Variants in SGMS2 observed in about 807,000 individuals in gnomAD.
The protein encoded by SGMS2 is phosphatidylcholine:ceramide cholinephosphotransferase 2.
In SGMS2, 21 loss-of-function variants were observed where a neutral mutation model predicts 43.8. That is an observed-to-expected ratio of 0.48 (90% CI 0.34 to 0.69). The LOEUF (loss-of-function observed/expected upper bound fraction) is 0.69. Ranked by LOEUF, SGMS2 falls within the 30% of genes least tolerant of loss-of-function variation. The pLI, the probability that SGMS2 is intolerant of heterozygous loss-of-function variation, is 0.01. For synonymous variants in SGMS2, 167 were observed against 160.6 expected (o/e 1.04, Z -0.30); for missense variants, 384 against 443.2 (o/e 0.87, Z 1.20).
chr4:107,858,800 G>T (rs1727564549), intron 2 of SGMS2, among the ~76,000 whole-genome samples: 1 of 152,182 alleles, frequency 6.6e-6, no homozygotes. Context: ...CTCGGTCTTG[G>T]ATTGCCGTTT....
chr4:107,854,428 G>T (rs575164484), intron 1 of SGMS2, among the ~76,000 whole-genome samples: 3 of 152,180 alleles, frequency 2.0e-5, no homozygotes, highest in African/African-American at 7.2e-5. Context: ...TGACTAATAG[G>T]AATATTCTTC....
In SGMS2 at chr4:107,827,879, G is replaced by A. The variant is rs564129098; in HGVS notation, c.-327+2626G>A. Among the ~76,000 whole-genome samples the A allele has an allele frequency of 1.3e-4, 20 of 152,180 alleles. No individual in the cohort carries two copies. The East Asian group carries it at 3.1e-3, about 24-fold the overall frequency. On this transcript the variant is annotated intron_variant, in intron 1 of 6. Transcript: ENST00000690982. The stretch of plus-strand genomic sequence containing the variant: ...TGCTCGCCTGTAGTCCCAGATACTC[G>A]GGAGGCTGACGCAGGAGAATCGCTT...
intron 6 of SGMS2, among the ~76,000 whole-genome samples, chr4:107,909,146 C>G (rs1193482089): frequency 6.7e-6 from 1 of 150,002 alleles, no homozygotes; most frequent in Non-Finnish European, 1.5e-5. Context: ...TGTTCTATTG[C>G]CCAAGCTGGA....
At chr4:107,878,060 T>G (rs1729066530) in intron 2 of SGMS2, among the ~76,000 whole-genome samples, 1 of 151,650 alleles carries the variant, frequency 6.6e-6, no homozygotes, top group African/African-American at 2.4e-5. Flanking sequence ...GGACTACAGG[T>G]GCGCACCACC....
At chr4:107,867,276 T>C (rs1728200010) in intron 2 of SGMS2, 1 of 152,178 alleles carries the variant, frequency 6.6e-6, no homozygotes, top group African/African-American at 2.4e-5. Context: ...ATATCTGAAA[T>C]GAACGTAATT....
chr4:107,914,513 A>G lies in SGMS2; in HGVS notation c.*3960A>G, dbSNP rs997762199. The stretch of plus-strand genomic sequence containing the variant: ...TATTACAAGGTTTCAGAGGTAGCCA[A>G]TTGCATTCTTTTGGAAATTTACTGT... On this transcript the variant is annotated 3_prime_UTR_variant, in exon 7 of 7. Coordinates refer to ENST00000690982, the MANE Select transcript of SGMS2 (RefSeq NM_001375905.1). The G allele has an allele frequency of 2.6e-5, 4 of 152,144 alleles. No homozygotes were observed. The highest frequency in any genetic ancestry group is 2.0e-4 in the Admixed American group (3 of 15,268). The allele number at this position is 152,144 out of a possible 1,614,324, so 9.4% of individuals were successfully genotyped here.
At chr4:107,835,699 G>A (rs1237899578) in intron 1 of SGMS2, among the ~76,000 whole-genome samples, 2 of 152,188 alleles carry the variant, frequency 1.3e-5, no homozygotes, top group Non-Finnish European at 2.9e-5. Context: ...GGCTATATAA[G>A]TAGCCAAGTA....
In SGMS2 at chr4:107,911,726, T is replaced by C. The variant is rs188639270; in HGVS notation, c.*1173T>C. 5 of 152,296 alleles carry C rather than the reference T, an allele frequency of 3.3e-5. No homozygotes were observed. The highest frequency in any genetic ancestry group is 9.6e-5 in the African/African-American group (4 of 41,562). 9.4% of individuals were successfully genotyped at this position (152,296 alleles called of 1,614,324 possible). Reference sequence around the variant, plus strand: ...CATGGTGCTGCACTATAATATACTCTCGGAATCAGTGTGTTAGTTACAGCT... The same window carrying C: ...CATGGTGCTGCACTATAATATACTCCCGGAATCAGTGTGTTAGTTACAGCT... On this transcript the variant is annotated 3_prime_UTR_variant, in exon 7 of 7. Coordinates refer to ENST00000690982, the MANE Select transcript of SGMS2 (RefSeq NM_001375905.1).
At chr4:107,891,709 A>G (rs988755813) in intron 2 of SGMS2, among the ~76,000 whole-genome samples, 7 of 152,158 alleles carry the variant, frequency 4.6e-5, no homozygotes, top group African/African-American at 1.7e-4. Context: ...TTTGATTTAC[A>G]TAGGGCATGA....
At chr4:107,837,861 T>C (rs1726280817) in intron 1 of SGMS2, among the ~76,000 whole-genome samples, 2 of 152,004 alleles carry the variant, frequency 1.3e-5, no homozygotes, top group African/African-American at 4.8e-5. Context: ...GTAGAAAAAA[T>C]TAAGCATGAC....
In SGMS2 at chr4:107,908,559, G is replaced by T; in HGVS notation, c.728-6G>T. Reference sequence around the variant, plus strand: ...TTATTAACTCTGTAATTTTTCTACTGTCCAGATTCGCCTCGTCACTTCTGG... The same window carrying T: ...TTATTAACTCTGTAATTTTTCTACTTTCCAGATTCGCCTCGTCACTTCTGG... On this transcript the variant is annotated splice_region_variant and splice_polypyrimidine_tract_variant and intron_variant, in intron 5 of 6. Coordinates refer to ENST00000690982, the MANE Select transcript of SGMS2 (RefSeq NM_001375905.1). The T allele has an allele frequency of 6.2e-7, 1 of 1,611,514 alleles. No individual in the cohort carries two copies. The highest frequency in any genetic ancestry group is 8.5e-7 in the Non-Finnish European group (1 of 1,178,674).
chr4:107,835,601 T>G (rs1485240563), intron 1 of SGMS2, among the ~76,000 whole-genome samples: 2 of 152,194 alleles, frequency 1.3e-5, no homozygotes, highest in Non-Finnish European at 2.9e-5. Flanking sequence ...TCTGACTCAT[T>G]TGCTTACATT....
intron 4 of SGMS2, among the ~76,000 whole-genome samples, chr4:107,900,413 G>A (rs1478451530): frequency 6.6e-6 from 1 of 152,154 alleles, no homozygotes; most frequent in African/African-American, 2.4e-5. Flanking sequence ...TAGCCTTAGT[G>A]GTAGCAGTGG....
At chr4:107,861,850 T>C (rs1727751362) in intron 2 of SGMS2, among the ~76,000 whole-genome samples, 1 of 152,216 alleles carries the variant, frequency 6.6e-6, no homozygotes, top group African/African-American at 2.4e-5. Context: ...AAGGTAAGGA[T>C]GAATATTATT....
chr4:107,855,176 C>T (rs867026656), intron 1 of SGMS2, among the ~76,000 whole-genome samples: 1 of 152,074 alleles, frequency 6.6e-6, no homozygotes, highest in African/African-American at 2.4e-5. Flanking sequence ...TTAGTATTAA[C>T]TCCTTTGGTT....
rs542986954 is a variant in SGMS2, at chr4:107,908,872, A to T, written c.894+141A>T. On this transcript the variant is annotated intron_variant, in intron 6 of 6. Coordinates refer to ENST00000690982, the MANE Select transcript of SGMS2 (RefSeq NM_001375905.1). ...AAACATATATCCATTACTGCTTTTT[A>T]AAATAAAGCAAAGAACTTCACAAAT... 160 of 662,206 alleles carry T rather than the reference A, an allele frequency of 2.4e-4. No individual in the cohort carries two copies. The African/African-American group carries it at 2.6e-3, about 11-fold the overall frequency. 41.0% of individuals were successfully genotyped at this position (662,206 alleles called of 1,614,324 possible).
At chr4:107,902,273 G>C (rs1034682151) in intron 4 of SGMS2, among the ~76,000 whole-genome samples, 6 of 125,146 alleles carry the variant, frequency 4.8e-5, no homozygotes, top group African/African-American at 1.6e-4. Context: ...CTGGGTGAAA[G>C]AGCAAGACCC....
At chr4:107,884,677 A>G (rs1729612307) in intron 2 of SGMS2, among the ~76,000 whole-genome samples, 1 of 152,098 alleles carries the variant, frequency 6.6e-6, no homozygotes, top group South Asian at 2.1e-4. Context: ...AACCCAAAAG[A>G]ATGCAACCGT....
intron 1 of SGMS2, among the ~76,000 whole-genome samples, chr4:107,836,119 C>T (rs1726157047): frequency 6.6e-6 from 1 of 151,978 alleles, no homozygotes; most frequent in African/African-American, 2.4e-5. Context: ...CATTCTTTTC[C>T]AAGCCTTTGA....
Sources: allele counts gnomAD v4.1 joint callset (sites outside exome capture counted in the v4.1 genomes callset), GRCh38; gene constraint gnomAD v4.1.1; transcripts MANE v1.5; gene names NCBI Gene and HGNC (gene_info 2026-07-23, HGNC 2026-07-21).